The following NACC1 variants were observed in gnomAD, a reference collection of about 807,000 sequenced individuals.
NACC1 encodes the protein nucleus accumbens-associated protein 1.
Under a neutral mutation model 41.7 loss-of-function variants are expected in NACC1, and 6 were observed. That is an observed-to-expected ratio of 0.14 (90% confidence interval 0.08 to 0.28). NACC1 has a LOEUF of 0.28. Ranked by LOEUF, NACC1 falls within the 10% of genes least tolerant of loss-of-function variation. The probability of loss-of-function intolerance (pLI) is 1.00; values close to 1 mark genes in which losing one functional copy is unlikely to be tolerated. For missense variants in NACC1, 434 were observed against 763.7 expected (o/e 0.57, Z 5.09); for synonymous variants, 338 against 330.6 (o/e 1.02, Z -0.24).
chr19:13,129,410 A>G (rs1461564443), intron 1 of NACC1, among the ~76,000 whole-genome samples: 1 of 151,956 alleles, frequency 6.6e-6, no homozygotes, highest in Non-Finnish European at 1.5e-5. Context: ...AGGGGCCCAC[A>G]TAGTTTTTCT....
chr19:13,120,191 C>G (rs967625341), intron 1 of NACC1, among the ~76,000 whole-genome samples: 3 of 152,176 alleles, frequency 2.0e-5, no homozygotes, highest in African/African-American at 7.2e-5. Flanking sequence ...CTGGTCACCC[C>G]TTCTTCCCCA....
intron 1 of NACC1, among the ~76,000 whole-genome samples, chr19:13,119,574 C>T (rs2019462589): frequency 1.3e-5 from 2 of 152,120 alleles, no homozygotes; most frequent in Non-Finnish European, 1.5e-5. Flanking sequence ...CTCACAGCAA[C>T]CATCGTATAT....
chr19:13,121,714 T>C (rs576501903), intron 1 of NACC1, among the ~76,000 whole-genome samples: 1 of 152,240 alleles, frequency 6.6e-6, no homozygotes, highest in South Asian at 2.1e-4. Context: ...TTTGGGATGG[T>C]GGTGAGCCAC....
chr19:13,136,082 G>A lies in NACC1; in HGVS notation c.875G>A (p.Gly292Asp). 6.2e-7 allele frequency: 1 copy of A among 1,614,044 alleles called. No homozygotes were observed. The highest frequency in any genetic ancestry group is 8.5e-7 in the Non-Finnish European group (1 of 1,180,012). Residue 292 changes from glycine (G) to aspartate (D), a missense_variant, in exon 2 of 6, where the codon GGC becomes GAC. Gly to Asp is a moderately conservative substitution (Grantham distance 94). Around this residue, in one of 4 missense-constraint regions of NACC1, gnomAD observed 234 missense variants for 308.3 expected, o/e 0.76. Coordinates refer to ENST00000292431, the MANE Select transcript of NACC1 (RefSeq NM_052876.4). This position sits in a 1 kb window ranked among gnomAD's most constrained non-coding sequence, Gnocchi z 5.5. ...GAGGAGGAGGATGGTGGCGAGGAGG[G>A]CATGGATGAGCAGTACCGGCAGATC... is the stretch of plus-strand genomic sequence containing the variant. ...EDEEEDGGEE[G>D]MDEQYRQICN...
Position 13,137,568 on chromosome 19 carries a change from T to A in NACC1, c.1317T>A (p.Ala439=), listed in dbSNP as rs1354327351. The A allele has an allele frequency of 1.9e-6, 3 of 1,553,272 alleles. No individual in the cohort carries two copies. The change falls in exon 5 of 6, where the codon GCT becomes GCA. Residue 439 remains alanine, a synonymous_variant. Coordinates refer to ENST00000292431, the MANE Select transcript of NACC1 (RefSeq NM_052876.4). The surrounding 1 kb of genome is among the most constrained non-coding windows in gnomAD (Gnocchi z 6.1). ...CCCTGGACAGCCGCGTGCTCCACGC[T>A]GTCAAGTGTGAGTGTTGGCCCAGCT... ...RKPLDSRVLH[A]VKYYCQNFAP...
chr19:13,135,342 G>A lies in NACC1; in HGVS notation c.135G>A (p.Arg45=), dbSNP rs769403033. ...VVKGHAFKAH[R]AVLAASSSYF... ...AGGGCCATGCCTTCAAGGCCCACCG[G>A]GCCGTGCTTGCTGCCAGCAGCTCCT... Residue 45 remains arginine, a synonymous_variant, in exon 2 of 6, where the codon CGG becomes CGA. Coordinates refer to ENST00000292431, the MANE Select transcript of NACC1 (RefSeq NM_052876.4). 9.9e-6 allele frequency: 16 copies of A among 1,613,676 alleles called. 1 individual carries two copies. The South Asian group carries it at 1.6e-4, about 17-fold the overall frequency.
chr19:13,120,299 T>C (rs1050326269), intron 1 of NACC1, among the ~76,000 whole-genome samples: 11 of 152,198 alleles, frequency 7.2e-5, no homozygotes, highest in Admixed American at 6.5e-4. Context: ...GACTTGACTT[T>C]GCTTGCCTAG....
chr19:13,117,190 C>CT (rs1431012022), upstream of NACC1: 1 of 152,208 alleles, frequency 6.6e-6, no homozygotes, highest in Non-Finnish European at 1.5e-5. Flanking sequence ...CAAAGAACCA[C>CT]TCTAACATTG....
At chr19:13,122,614 A>G (rs956525261) in intron 1 of NACC1, among the ~76,000 whole-genome samples, 1 of 150,582 alleles carries the variant, frequency 6.6e-6, no homozygotes, top group African/African-American at 2.5e-5. Flanking sequence ...AGCCCCCACC[A>G]CAAAGAATGA....
At position 13,135,394 on chromosome 19, in the gene NACC1, C is replaced by T. The variant is rs760669614; in HGVS notation, c.187C>T (p.Arg63Cys). 4 of 1,613,492 alleles carry T rather than the reference C, an allele frequency of 2.5e-6. No individual in the cohort carries two copies. The highest frequency in any genetic ancestry group is 3.4e-6 in the Non-Finnish European group (4 of 1,179,966). The change falls in exon 2 of 6, where the codon CGC becomes TGC. Residue 63 changes from arginine to cysteine, a missense_variant. Transcript: ENST00000292431. ...SYFRDLFNNS[R>C]SAVVELPAAV... ...CTTCCGGGACCTGTTCAACAACAGC[C>T]GCAGCGCCGTGGTGGAGCTGCCGGC...
chr19:13,122,088 A>G (rs2019501945), intron 1 of NACC1, among the ~76,000 whole-genome samples: 1 of 152,068 alleles, frequency 6.6e-6, no homozygotes, highest in Non-Finnish European at 1.5e-5. Flanking sequence ...CTGCTTGCAC[A>G]TTAGGTGGGG....
chr19:13,137,456 C>T lies in NACC1; in HGVS notation c.1227-22C>T, dbSNP rs2145625639. The T allele has an allele frequency of 1.9e-6, 3 of 1,609,360 alleles. No homozygotes were observed. Among genetic ancestry groups the T allele is most frequent in the Non-Finnish European group, 2.5e-6 (3 of 1,178,014 alleles). On this transcript the variant is annotated intron_variant, in intron 4 of 5. Transcript: ENST00000292431. The surrounding 1 kb of genome is among the most constrained non-coding windows in gnomAD (Gnocchi z 6.1). ...CCACCACCAACTTGAGCGCTGACTC[C>T]CTCCATGTCCCCTGCCCCCAGGAAC... is the stretch of plus-strand genomic sequence containing the variant.
At chr19:13,128,448 C>G (rs990193739) in intron 1 of NACC1, among the ~76,000 whole-genome samples, 1 of 152,198 alleles carries the variant, frequency 6.6e-6, no homozygotes, top group Non-Finnish European at 1.5e-5. Context: ...TAATTAGCTC[C>G]CAAAGGTTTT....
chr19:13,118,754 T>A (rs1360448820), intron 1 of NACC1, among the ~76,000 whole-genome samples: 1 of 132,356 alleles, frequency 7.6e-6, no homozygotes, highest in Non-Finnish European at 1.6e-5. Context: ...AGTTGGAGGG[T>A]CCGAGGCGGA....
rs778617428 is a variant in NACC1 at position 13,135,671 on chromosome 19, C to T, written c.464C>T (p.Ala155Val). 2 of 1,556,292 alleles carry T rather than the reference C, an allele frequency of 1.3e-6. No individual in the cohort carries two copies. The highest frequency in any genetic ancestry group is 1.7e-6 in the Non-Finnish European group (2 of 1,154,296). The part of the protein sequence containing the change: ...SPVAQTSGWP[A>V]CSTPLPLVSR... The stretch of plus-strand genomic sequence containing the variant: ...GTGGCGCAGACATCGGGCTGGCCAG[C>T]CTGTAGCACCCCGCTGCCCCTCGTG... The change falls in exon 2 of 6, where the codon GCC becomes GTC. Residue 155 changes from alanine (A) to valine (V), a missense_variant. Physicochemically the swap from Ala to Val is moderately conservative, Grantham distance 64. Coordinates refer to ENST00000292431, the MANE Select transcript of NACC1 (RefSeq NM_052876.4).
At chr19:13,125,619 T>C (rs1488928695) in intron 1 of NACC1, among the ~76,000 whole-genome samples, 1 of 151,956 alleles carries the variant, frequency 6.6e-6, no homozygotes, top group African/African-American at 2.4e-5. Context: ...GGGGTTTCAC[T>C]GTGTTGCCCA....
At chr19:13,128,468 T>A (rs2019592711) in intron 1 of NACC1, among the ~76,000 whole-genome samples, 1 of 152,212 alleles carries the variant, frequency 6.6e-6, no homozygotes, top group African/African-American at 2.4e-5. Context: ...TATCTCCAGA[T>A]ACAGGCACAT....
rs1244131846 is a variant in NACC1, at chr19:13,140,206, G to C, written c.*1800G>C. ...ACCTTAGCCCCCAGCCGGCCTGAGTGGGGGATATTGACACCCCCAGCTAAA... is the reference window on the plus strand; with the variant it reads ...ACCTTAGCCCCCAGCCGGCCTGAGTCGGGGATATTGACACCCCCAGCTAAA... On this transcript the variant is annotated 3_prime_UTR_variant, in exon 6 of 6. Transcript: ENST00000292431. This position sits in a 1 kb window ranked among gnomAD's most constrained non-coding sequence, Gnocchi z 4.0. The C allele has an allele frequency of 6.5e-6, 1 of 152,734 alleles. No individual in the cohort carries two copies. 9.5% of individuals were successfully genotyped at this position (152,734 alleles called of 1,614,324 possible).
At chr19:13,131,516 G>T (rs532994705) in intron 1 of NACC1, 4 of 152,386 alleles carry the variant, frequency 2.6e-5, no homozygotes, top group Non-Finnish European at 5.9e-5. Context: ...CCAACATGGT[G>T]CCTGTTTCTC....
Sources: gnomAD v4.1 joint callset for allele counts (sites outside exome capture counted in the v4.1 genomes callset) on GRCh38, gnomAD v4.1.1 for gene constraint, gnomAD v4.1.1 regional missense constraint, Gnocchi (gnomAD v3.1) non-coding constraint, MANE v1.5 for transcripts, NCBI Gene and HGNC (gene_info 2026-07-23, HGNC 2026-07-21) for gene names.